CDKL5: variants seen among roughly 807,000 people sequenced by gnomAD.
CDKL5 encodes the protein cyclin-dependent kinase-like 5.
Under a neutral mutation model 61.7 loss-of-function variants are expected in CDKL5, and 8 were observed. The ratio of observed to expected loss-of-function variants is 0.13; its 90% confidence interval spans 0.08 to 0.23. The LOEUF (loss-of-function observed/expected upper bound fraction) is 0.23, where lower values mean the gene tolerates loss of function less well. CDKL5 is among the 10% of genes least tolerant of loss of function. CDKL5 has a pLI of 1.00. For missense variants in CDKL5, 440 were observed against 734.5 expected (o/e 0.60, Z 4.63); for synonymous variants, 275 against 272.3 (o/e 1.01, Z -0.10).
chrX:18,498,880 G>T (rs939160818), intron 1 of CDKL5, among the ~76,000 whole-genome samples: 2 of 111,174 alleles, frequency 1.8e-5, no homozygotes, highest in Non-Finnish European at 3.8e-5. Flanking sequence ...TGTGATTCTC[G>T]TGCCTCAGCC....
chrX:18,478,628 T>C (rs1236233550), intron 1 of CDKL5, among the ~76,000 whole-genome samples: 5 of 109,581 alleles, frequency 4.6e-5, no homozygotes, highest in Non-Finnish European at 9.5e-5. Context: ...CAGCTATTAA[T>C]TTTATTGAGG....
chrX:18,602,803 A>G (rs1285816454), intron 11 of CDKL5, among the ~76,000 whole-genome samples: 1 of 112,055 alleles, frequency 8.9e-6, no homozygotes, highest in Non-Finnish European at 1.9e-5. Flanking sequence ...GTGACTTCCA[A>G]TTAGTGTGTC....
At chrX:18,589,368 C>G (rs1279798607) in intron 9 of CDKL5, 1 of 110,503 alleles carries the variant, frequency 9.0e-6, no homozygotes, top group African/African-American at 3.3e-5. Flanking sequence ...TCATTTCCCA[C>G]CTATGAGTGA....
In CDKL5 at chrX:18,613,240, C is replaced by A; in HGVS notation, c.2241C>A (p.Thr747=). 8.3e-7 allele frequency: 1 copy of A among 1,203,847 alleles called. No homozygotes were observed. The highest frequency in any genetic ancestry group is 1.8e-5 in the South Asian group (1 of 56,754). Residue 747 remains threonine (T), a synonymous_variant, in exon 15 of 18, where the codon ACC becomes ACA. Transcript: ENST00000623535. ...SSLPSESSSG[T]NHSKRQPAFD... ...TACCATCAGAGAGCAGTTCTGGAAC[C>A]AACCACTCAAAAAGACAACCAGCAT...
intron 1 of CDKL5, among the ~76,000 whole-genome samples, chrX:18,435,442 C>T (rs1418264752): frequency 8.9e-6 from 1 of 111,867 alleles, no homozygotes; most frequent in Non-Finnish European, 1.9e-5. Context: ...ATAACCTGTC[C>T]TACATCCTGA....
At chrX:18,512,308 A>G (rs913299636) in intron 3 of CDKL5, among the ~76,000 whole-genome samples, 2 of 111,842 alleles carry the variant, frequency 1.8e-5, no homozygotes, top group African/African-American at 6.5e-5. Flanking sequence ...GATTTTAGCA[A>G]TTTAACCCAA....
chrX:18,517,915 G>C (rs750373087), intron 3 of CDKL5, among the ~76,000 whole-genome samples: 1 of 111,320 alleles, frequency 9.0e-6, no homozygotes, highest in Non-Finnish European at 1.9e-5. Context: ...GGCCGAGGCA[G>C]AATTGCTTGA....
At chrX:18,562,175 A>G (rs1036105481) in intron 3 of CDKL5, among the ~76,000 whole-genome samples, 3 of 111,814 alleles carry the variant, frequency 2.7e-5, no homozygotes, top group Non-Finnish European at 5.7e-5. Flanking sequence ...TTGCTTTGGC[A>G]GTGGGTGTAG....
At chrX:18,601,885 A>G (rs1414891693) in intron 11 of CDKL5, among the ~76,000 whole-genome samples, 1 of 111,665 alleles carries the variant, frequency 9.0e-6, no homozygotes. Context: ...GACGTTTCCC[A>G]ATATCTGTAC....
chrX:18,559,623 T>G, intron 3 of CDKL5, among the ~76,000 whole-genome samples: 1 of 109,968 alleles, frequency 9.1e-6, no homozygotes, highest in Admixed American at 9.7e-5. Context: ...CTTTTCTTTT[T>G]TTTTTTTTTT....
chrX:18,426,039 G>T (rs1036651546), intron 1 of CDKL5, among the ~76,000 whole-genome samples: 1 of 111,983 alleles, frequency 8.9e-6, no homozygotes, highest in African/African-American at 3.2e-5. Flanking sequence ...TCCCCGCCCC[G>T]CCGCTCCCGC....
intron 1 of CDKL5, among the ~76,000 whole-genome samples, chrX:18,485,089 T>A (rs1280696390): frequency 1.8e-5 from 2 of 109,219 alleles, no homozygotes; most frequent in East Asian, 5.7e-4. Flanking sequence ...CAAGGCAGAA[T>A]TTTTTTTTCT....
chrX:18,438,572 C>T (rs1023504456), intron 1 of CDKL5, among the ~76,000 whole-genome samples: 21 of 106,258 alleles, frequency 2.0e-4, no homozygotes, highest in Non-Finnish European at 3.5e-4. Context: ...AGGTGGATCA[C>T]GAGGTCAGGA....
chrX:18,543,753 A>C (rs1235013342), intron 3 of CDKL5, among the ~76,000 whole-genome samples: 1 of 111,786 alleles, frequency 8.9e-6, no homozygotes, highest in Non-Finnish European at 1.9e-5. Flanking sequence ...AGTTTTGTAG[A>C]GTTCAAAGAC....
chrX:18,558,285 A>G (rs1167919798), intron 3 of CDKL5, among the ~76,000 whole-genome samples: 2 of 112,100 alleles, frequency 1.8e-5, no homozygotes, highest in African/African-American at 6.5e-5. Flanking sequence ...AACTATGCCT[A>G]TCTTGCTAAC....
intron 3 of CDKL5, among the ~76,000 whole-genome samples, chrX:18,528,288 G>A (rs1412922697): frequency 2.1e-4 from 22 of 102,458 alleles, no homozygotes; most frequent in Non-Finnish European, 4.0e-4. Flanking sequence ...TTACTGAAAG[G>A]GGCTGTTAAA....
intron 20 of CDKL5, chrX:18,650,180 C>A (rs1207515174): frequency 4.4e-6 from 2 of 452,749 alleles, no homozygotes; most frequent in Non-Finnish European, 7.8e-6. Flanking sequence ...TGCAGGGGTA[C>A]CTGGCCAGGG....
At chrX:18,536,218 C>T (rs747020129) in intron 3 of CDKL5, 1 of 110,309 alleles carries the variant, frequency 9.1e-6, no homozygotes, top group African/African-American at 3.3e-5. Context: ...GTAGAAAGCG[C>T]ACCTTTGCCC....
chrX:18,438,679 A>G (rs931754808), intron 1 of CDKL5, among the ~76,000 whole-genome samples: 2 of 105,217 alleles, frequency 1.9e-5, no homozygotes, highest in Non-Finnish European at 3.9e-5. Context: ...AGTCCCAGCT[A>G]CTCAGGAGGC....
Sources: allele counts gnomAD v4.1 joint callset (sites outside exome capture counted in the v4.1 genomes callset), GRCh38; gene constraint gnomAD v4.1.1; transcripts MANE v1.5; gene names NCBI Gene and HGNC (gene_info 2026-07-23, HGNC 2026-07-21).